The following KCNJ6 variants were observed in gnomAD, a reference collection of about 807,000 sequenced individuals.
KCNJ6 encodes potassium inwardly rectifying channel subfamily J member 6.
In KCNJ6, 9 loss-of-function variants were observed where a neutral mutation model predicts 34.2. The observed-to-expected ratio is 0.26, with a 90% CI of 0.16 to 0.46. The LOEUF is 0.46. Among genes scored for constraint, KCNJ6 ranks in the 20% least tolerant of loss-of-function variants. The pLI is 1.00. For missense variants in KCNJ6, 236 were observed against 531.3 expected (o/e 0.44, Z 5.46); for synonymous variants, 196 against 207.1 (o/e 0.95, Z 0.46).
chr21:37,786,917 C>T (rs1430781204), intron 2 of KCNJ6, among the ~76,000 whole-genome samples: 1 of 152,180 alleles, frequency 6.6e-6, no homozygotes, highest in Non-Finnish European at 1.5e-5. Context: ...GTTACTTTCT[C>T]TGTGTCTATA....
intron 1 of KCNJ6, among the ~76,000 whole-genome samples, chr21:37,903,746 A>C (rs1490808379): frequency 6.6e-6 from 1 of 152,194 alleles, no homozygotes; most frequent in Non-Finnish European, 1.5e-5. Context: ...AACAAAACAA[A>C]AAAAAACGAA....
intron 2 of KCNJ6, among the ~76,000 whole-genome samples, chr21:37,815,736 C>A (rs748516367): frequency 1.3e-5 from 2 of 152,150 alleles, no homozygotes; most frequent in Non-Finnish European, 2.9e-5. Context: ...GGCTCAGACT[C>A]GAAGGAGCAG....
rs1569430370 is a variant in KCNJ6 at position 37,617,847 on chromosome 21, T to C, written c.*7312A>G. ...GGAGGGCACCCCTGTGCTTAGCAGATGCTAAAGGTCTTAATTTAGTCATCA... is the reference window on the plus strand; with the variant it reads ...GGAGGGCACCCCTGTGCTTAGCAGACGCTAAAGGTCTTAATTTAGTCATCA... On this transcript the variant is annotated 3_prime_UTR_variant, in exon 4 of 4. Coordinates refer to ENST00000609713, the MANE Select transcript of KCNJ6 (RefSeq NM_002240.5). The C allele has an allele frequency of 6.6e-6, 1 of 152,260 alleles. No individual in the cohort carries two copies. The highest frequency in any genetic ancestry group is 1.5e-5 in the Non-Finnish European group (1 of 68,060). The allele number at this position is 152,260 out of a possible 1,614,324, so 9.4% of individuals were successfully genotyped here.
Position 37,865,818 on chromosome 21 carries a change from G to A in KCNJ6, c.-27-25109C>T, listed in dbSNP as rs77423856. Among the ~76,000 whole-genome samples the A allele has an allele frequency of 5.2e-3, 799 of 152,292 alleles. 9 individuals carry two copies. Among genetic ancestry groups the A allele is most frequent in the Non-Finnish European group, 7.9e-3 (540 of 68,026 alleles). On this transcript the variant is annotated intron_variant, in intron 1 of 3. Coordinates refer to ENST00000609713, the MANE Select transcript of KCNJ6 (RefSeq NM_002240.5). ...ATAGAAGATCAACAAAGAAGTGTTG[G>A]ATTTAAACTGCACTCAAGACCAAAT...
chr21:37,695,887 A>G lies in KCNJ6; in HGVS notation c.946+18324T>C, dbSNP rs1298611519. On this transcript the variant is annotated intron_variant, in intron 3 of 3. Transcript: ENST00000609713. This position sits in a 1 kb window ranked among gnomAD's most constrained non-coding sequence, Gnocchi z 4.2. ...CCTGTAACATCTTTTTGTGCCAGAA[A>G]AAAGGAAGAACACACAAAATGATTA... 4.6e-5 allele frequency among the ~76,000 whole-genome samples: 7 copies of G among 152,244 alleles called. No individual in the cohort carries two copies. Among genetic ancestry groups the G allele is most frequent in the Non-Finnish European group, 1.0e-4 (7 of 68,048 alleles).
chr21:37,640,969 T>C (rs1032970839), intron 3 of KCNJ6, among the ~76,000 whole-genome samples: 7 of 152,204 alleles, frequency 4.6e-5, no homozygotes, highest in African/African-American at 1.7e-4. Context: ...AAAACAACTC[T>C]TCCAGGGTTA....
intron 2 of KCNJ6, among the ~76,000 whole-genome samples, chr21:37,723,904 T>G (rs1225602929): frequency 6.6e-6 from 1 of 151,442 alleles, no homozygotes; most frequent in Non-Finnish European, 1.5e-5. Flanking sequence ...TCCTTGAATC[T>G]AAAATACAAA....
At chr21:37,851,843 T>C (rs983646609) in intron 1 of KCNJ6, among the ~76,000 whole-genome samples, 3 of 151,914 alleles carry the variant, frequency 2.0e-5, no homozygotes, top group Non-Finnish European at 4.4e-5. Flanking sequence ...GAGGAAGCCA[T>C]ACCAGCTAGG....
chr21:37,899,385 T>C (rs1279682468), intron 1 of KCNJ6, among the ~76,000 whole-genome samples: 1 of 152,198 alleles, frequency 6.6e-6, no homozygotes, highest in Non-Finnish European at 1.5e-5. Context: ...AAGGAAACTG[T>C]CCTTAGCTGG....
intron 1 of KCNJ6, among the ~76,000 whole-genome samples, chr21:37,853,853 T>TACATATATATATATAC (rs1555850340): frequency 7.0e-6 from 1 of 142,292 alleles, no homozygotes; most frequent in African/African-American, 2.7e-5. Flanking sequence ...TATGTATATA[T>TACATATATATATATAC]ATATATATAA....
intron 2 of KCNJ6, among the ~76,000 whole-genome samples, chr21:37,725,364 G>A (rs1000225617): frequency 2.6e-5 from 4 of 152,198 alleles, no homozygotes; most frequent in Admixed American, 1.3e-4. Context: ...CTGAACTCCA[G>A]CCTGGGCAAT....
chr21:37,910,569 C>T (rs2055862590), intron 1 of KCNJ6, among the ~76,000 whole-genome samples: 1 of 152,190 alleles, frequency 6.6e-6, no homozygotes, highest in Non-Finnish European at 1.5e-5. Context: ...GATGCACTTT[C>T]TGGTTCCTTT....
chr21:37,717,791 G>T (rs1376814694), intron 2 of KCNJ6, among the ~76,000 whole-genome samples: 2 of 152,166 alleles, frequency 1.3e-5, no homozygotes, highest in Non-Finnish European at 2.9e-5. Flanking sequence ...CCTTAAGTGG[G>T]AGAAGAGGGT....
intron 2 of KCNJ6, among the ~76,000 whole-genome samples, chr21:37,796,863 G>A (rs1300532832): frequency 7.8e-6 from 1 of 128,592 alleles, no homozygotes; most frequent in African/African-American, 3.0e-5. Context: ...GCGCAACCTC[G>A]GCTCACTGCA....
chr21:37,876,562 CAT>C (rs2055679148), intron 1 of KCNJ6, among the ~76,000 whole-genome samples: 1 of 151,834 alleles, frequency 6.6e-6, no homozygotes, highest in Admixed American at 6.6e-5. Flanking sequence ...GATATCAGTG[CAT>C]ATATGTTCTG....
In KCNJ6 at chr21:37,615,011, G is replaced by A. The variant is rs921641747; in HGVS notation, c.*10148C>T. The A allele has an allele frequency of 2.0e-5, 3 of 152,196 alleles. No individual in the cohort carries two copies. Among genetic ancestry groups the A allele is most frequent in the African/African-American group, 7.2e-5 (3 of 41,446 alleles). The allele number at this position is 152,196 out of a possible 1,614,324, so 9.4% of individuals were successfully genotyped here. On this transcript the variant is annotated 3_prime_UTR_variant, in exon 4 of 4. Transcript: ENST00000609713. ...CAGGCCACATGTTTTGTTGATGCCT[G>A]TTGTCACAGAATTAGAAAATACACA...
At chr21:37,730,821 G>C (rs973358767) in intron 2 of KCNJ6, among the ~76,000 whole-genome samples, 1 of 152,220 alleles carries the variant, frequency 6.6e-6, no homozygotes, top group South Asian at 2.1e-4. Context: ...GCATCACAAA[G>C]GAGGTGGGAA....
At chr21:37,854,807 G>A (rs552577735) in intron 1 of KCNJ6, among the ~76,000 whole-genome samples, 1 of 152,252 alleles carries the variant, frequency 6.6e-6, no homozygotes, top group South Asian at 2.1e-4. Context: ...AATCAACCAA[G>A]AATACATAGC....
At chr21:37,659,645 T>G (rs2054479296) in intron 3 of KCNJ6, among the ~76,000 whole-genome samples, 1 of 152,230 alleles carries the variant, frequency 6.6e-6, no homozygotes, top group Admixed American at 6.5e-5. Flanking sequence ...CTCAGGAGTC[T>G]GAGTGGGTAC....
Sources: gnomAD v4.1 joint callset for allele counts (sites outside exome capture counted in the v4.1 genomes callset) on GRCh38, gnomAD v4.1.1 for gene constraint, Gnocchi (gnomAD v3.1) non-coding constraint, MANE v1.5 for transcripts, NCBI Gene and HGNC (gene_info 2026-07-23, HGNC 2026-07-21) for gene names.